MATR3: variants seen among roughly 807,000 people sequenced by gnomAD.
MATR3 encodes the protein matrin-3.
Under a neutral mutation model 85.5 loss-of-function variants are expected in MATR3, and 4 were observed. That is an observed-to-expected ratio of 0.05 (90% CI 0.02 to 0.11). MATR3 has a LOEUF of 0.11. MATR3 is among the 10% of genes least tolerant of loss of function. MATR3 has a pLI of 1.00. For synonymous variants in MATR3, 336 were observed against 343.1 expected, an observed-to-expected ratio of 0.98 and a Z score of 0.23; for missense variants, 685 against 1,016.1, an observed-to-expected ratio of 0.67 and a Z score of 4.43.
intron 1 of MATR3, among the ~76,000 whole-genome samples, chr5:139,300,356 CTCTG>C (rs1346042672): frequency 6.6e-6 from 1 of 152,132 alleles, no homozygotes; most frequent in Non-Finnish European, 1.5e-5. Flanking sequence ...CTGTGCGAGA[CTCTG>C]TCTCAAAAAC....
chr5:139,327,112 T>C (rs1420720493), intron 14 of MATR3, among the ~76,000 whole-genome samples: 1 of 152,218 alleles, frequency 6.6e-6, no homozygotes, highest in Admixed American at 6.5e-5. Context: ...TTGGACTACC[T>C]ATTGAAATAG....
At chr5:139,276,625 C>T (rs374933514) in intron 2 of MATR3, among the ~76,000 whole-genome samples, 2 of 152,208 alleles carry the variant, frequency 1.3e-5, no homozygotes, top group East Asian at 3.9e-4. Context: ...CATGAAGTTA[C>T]TTGAATCATA....
intron 12 of MATR3, among the ~76,000 whole-genome samples, chr5:139,323,347 CT>C (rs1426045026): frequency 6.6e-6 from 1 of 151,782 alleles, no homozygotes; most frequent in Non-Finnish European, 1.5e-5. Context: ...ATAGTTAAAA[CT>C]TTTGCCACTC....
intron 14 of MATR3, among the ~76,000 whole-genome samples, chr5:139,328,218 T>C (rs1368645780): frequency 2.0e-5 from 3 of 151,076 alleles, no homozygotes; most frequent in Admixed American, 1.3e-4. Flanking sequence ...ATCAAGAAAC[T>C]GTTAAGCATT....
intron 7 of MATR3, among the ~76,000 whole-genome samples, chr5:139,318,446 C>T (rs979870814): frequency 2.0e-5 from 3 of 151,088 alleles, no homozygotes; most frequent in East Asian, 2.0e-4. Context: ...CATTTTTGTT[C>T]GTTTGTTTTT....
chr5:139,290,637 A>G (rs1753843759), upstream of MATR3, among the ~76,000 whole-genome samples: 1 of 150,560 alleles, frequency 6.6e-6, no homozygotes, highest in Admixed American at 6.6e-5. Context: ...TTTTGTAGAG[A>G]CATGGTTTCA....
chr5:139,318,606 C>T (rs1050512866), intron 7 of MATR3, among the ~76,000 whole-genome samples: 54 of 152,120 alleles, frequency 3.5e-4, no homozygotes, highest in African/African-American at 1.3e-3. Flanking sequence ...TTACGCCCAG[C>T]TAATTTTTGT....
intron 3 of MATR3, chr5:139,283,430 C>T (rs1001112484): frequency 6.6e-6 from 1 of 152,272 alleles, no homozygotes; most frequent in Non-Finnish European, 1.5e-5. Flanking sequence ...GCAGAACAGA[C>T]AAGTTCTGTC....
At position 139,277,136 on chromosome 5, in the gene MATR3, A is replaced by G. The variant is rs577171539; in HGVS notation, c.-257+986A>G. On this transcript the variant is annotated intron_variant, in intron 2 of 16. Transcript: ENST00000509990. ...AGGTGTGTGCCACCACAACCAGATA[A>G]TTTTTTTTTTTTTAATTTGTAGAGA... 9.6e-5 allele frequency among the ~76,000 whole-genome samples: 14 copies of G among 145,994 alleles called. No individual in the cohort carries two copies. The South Asian group carries it at 3.0e-3, about 32-fold the overall frequency.
intron 1 of MATR3, among the ~76,000 whole-genome samples, chr5:139,305,599 G>C (rs887941280): frequency 1.6e-4 from 24 of 152,172 alleles, no homozygotes; most frequent in African/African-American, 5.8e-4. Context: ...CCGCCATTCT[G>C]TCTGGCATTT....
Position 139,318,632 on chromosome 5 carries a change from G to A in MATR3, c.1309-276G>A, listed in dbSNP as rs62381610. Among the ~76,000 whole-genome samples, 6,234 of 152,222 alleles carry A rather than the reference G, an allele frequency of 0.041. 172 individuals are homozygous for A. The highest frequency in any genetic ancestry group is 0.074 in the African/African-American group (3,088 of 41,524). On this transcript the variant is annotated intron_variant, in intron 7 of 14. Coordinates refer to ENST00000394805, the MANE Select transcript of MATR3 (RefSeq NM_018834.6). ...TAATTTTTGTATTTTTAGTAGAGAC[G>A]GGGTTTCACCATGTTGGTCGGCCAG...
chr5:139,327,815 T>G (rs1357039081), intron 14 of MATR3, among the ~76,000 whole-genome samples: 4 of 152,178 alleles, frequency 2.6e-5, no homozygotes, highest in African/African-American at 9.7e-5. Context: ...TATAAAAGAT[T>G]GCTAGGTGCT....
chr5:139,314,771 C>T (rs369193163), intron 3 of MATR3, 35 bp downstream of exon 3: 74 of 1,587,490 alleles, frequency 4.7e-5, no homozygotes, highest in Admixed American at 6.7e-5. Context: ...ACATCCTTAT[C>T]GTGAATCAGA....
At chr5:139,319,967 CAG>C (rs755223385) in intron 9 of MATR3, among the ~76,000 whole-genome samples, 6 of 114,860 alleles carry the variant, frequency 5.2e-5, no homozygotes, top group Non-Finnish European at 8.4e-5. Flanking sequence ...TTTTTTGAGA[CAG>C]GGTCTCAAAA....
At chr5:139,314,606 G>T in intron 2 of MATR3, 69 bp from the exon 3 acceptor site, 1 of 1,289,252 alleles carries the variant, frequency 7.8e-7, no homozygotes, top group Non-Finnish European at 1.1e-6. Context: ...ATATCCTAGA[G>T]TTTGAATGGT....
rs370659966 is a variant in MATR3 at position 139,315,682 on chromosome 5, C to T, written c.975-15C>T. 14 of 1,593,784 alleles carry T rather than the reference C, an allele frequency of 8.8e-6. No homozygotes were observed. Among genetic ancestry groups the T allele is most frequent in the Non-Finnish European group, 1.1e-5 (13 of 1,161,916 alleles). On this transcript the variant is annotated splice_polypyrimidine_tract_variant and intron_variant, in intron 3 of 14. Coordinates refer to ENST00000394805, the MANE Select transcript of MATR3 (RefSeq NM_018834.6). ...ACAGTTTTATTTTAAAGTTAATTTT[C>T]TGGTCTTTTTAAAGCTACCCAGAAT...
At chr5:139,319,160 G>T in intron 8 of MATR3, 127 bp downstream of exon 8, 1 of 1,280,094 alleles carries the variant, frequency 7.8e-7, no homozygotes, top group Non-Finnish European at 1.1e-6. Flanking sequence ...CCAGCACCTT[G>T]GGAGGCCAAG....
chr5:139,320,294 C>G (rs1477540843), intron 9 of MATR3, among the ~76,000 whole-genome samples: 1 of 151,436 alleles, frequency 6.6e-6, no homozygotes, highest in Non-Finnish European at 1.5e-5. Context: ...GGTGACAGAG[C>G]AAGACTCCAT....
At position 139,325,203 on chromosome 5, in the gene MATR3, A is replaced by G. The variant is rs1404866180; in HGVS notation, c.2149-237A>G. 1.3e-5 allele frequency: 19 copies of G among 1,470,236 alleles called. No homozygotes were observed. In the South Asian group the frequency reaches 2.2e-4, roughly 17 times the overall value. 91.1% of individuals were successfully genotyped at this position (1,470,236 alleles called of 1,614,324 possible). A position where few individuals can be genotyped will look rare whatever the true frequency, so the allele number is the denominator to read the frequency against. On this transcript the variant is annotated intron_variant, in intron 12 of 14. Transcript: ENST00000394805. ...GCAAGACTCCGTCTCAAAAAAAAAA[A>G]GGCAAAGACGCTATCCGTTTCCCTT...
Sources: gnomAD v4.1 joint callset for allele counts (sites outside exome capture counted in the v4.1 genomes callset) on GRCh38, gnomAD v4.1.1 for gene constraint, MANE v1.5 for transcripts, NCBI Gene and HGNC (gene_info 2026-07-23, HGNC 2026-07-21) for gene names.